ASTN2: variants seen among roughly 807,000 people sequenced by gnomAD.
The protein encoded by ASTN2 is astrotactin-2.
Under a neutral mutation model 139.8 loss-of-function variants are expected in ASTN2, and 54 were observed. The observed-to-expected ratio is 0.39, with a 90% CI of 0.31 to 0.48. The LOEUF is 0.48. Ranked by LOEUF, ASTN2 falls within the 20% of genes least tolerant of loss-of-function variation. ASTN2 has a pLI of 0.95. For missense variants in ASTN2, 1,565 were observed against 1,725.1 expected (o/e 0.91, Z 1.64); for synonymous variants, 756 against 719.5 (o/e 1.05, Z -0.81).
intron 12 of ASTN2, 131 bp from the exon 13 acceptor site, chr9:116,805,951 G>C (rs1421746208): frequency 1.5e-5 from 13 of 844,882 alleles, no homozygotes; most frequent in Non-Finnish European, 2.4e-5. Context: ...ATTCTACCTG[G>C]AATCTATCTA....
intron 16 of ASTN2, among the ~76,000 whole-genome samples, chr9:116,661,570 T>C (rs1218338878): frequency 1.3e-5 from 2 of 151,778 alleles, no homozygotes; most frequent in African/African-American, 2.4e-5. Flanking sequence ...AAAACAGAGA[T>C]GGAGAAGGAG....
chr9:116,882,443 AGAAAGAAG>A lies in ASTN2; in HGVS notation c.1890-18718_1890-18711del, dbSNP rs375446248. 3.2e-3 allele frequency among the ~76,000 whole-genome samples: 487 copies of A among 152,298 alleles called. 1 individual carries two copies. The highest frequency in any genetic ancestry group is 0.011 in the African/African-American group (463 of 41,560). On this transcript the variant is annotated intron_variant, in intron 10 of 22. Transcript: ENST00000313400. ...GTTTCAAAGATCAGTGATGACACTG[AGAAAGAAG>A]GAAAAGGTGACAACAGTGGAGGCAG...
At chr9:117,038,396 G>T (rs375994610) in intron 6 of ASTN2, among the ~76,000 whole-genome samples, 10 of 152,280 alleles carry the variant, frequency 6.6e-5, no homozygotes, top group Non-Finnish European at 1.5e-4. Flanking sequence ...TAACTGGAAG[G>T]AGGCACAAGG....
At chr9:116,993,025 G>A (rs1357691581) in intron 7 of ASTN2, among the ~76,000 whole-genome samples, 2 of 152,272 alleles carry the variant, frequency 1.3e-5, no homozygotes, top group East Asian at 3.9e-4. Flanking sequence ...TCCTACAGAT[G>A]TTTCCTCAAT....
At chr9:117,390,054 C>A (rs1021070199) in intron 1 of ASTN2, among the ~76,000 whole-genome samples, 1 of 152,150 alleles carries the variant, frequency 6.6e-6, no homozygotes, top group Non-Finnish European at 1.5e-5. Context: ...ACTTTGGAAT[C>A]ACCTAAGCCA....
intron 17 of ASTN2, among the ~76,000 whole-genome samples, chr9:116,621,440 C>CAT (rs1564160896): frequency 3.4e-5 from 4 of 118,782 alleles, no homozygotes; most frequent in African/African-American, 1.2e-4. Context: ...CACACATGCA[C>CAT]GCACACACAC....
intron 1 of ASTN2, among the ~76,000 whole-genome samples, chr9:117,324,180 T>C (rs1226173199): frequency 6.6e-6 from 1 of 152,102 alleles, no homozygotes; most frequent in Non-Finnish European, 1.5e-5. Flanking sequence ...TGCTGGGAGC[T>C]ATAGGATGAG....
chr9:116,808,048 G>T (rs1217568831), intron 12 of ASTN2, among the ~76,000 whole-genome samples: 2 of 152,082 alleles, frequency 1.3e-5, no homozygotes, highest in Non-Finnish European at 2.9e-5. Context: ...TGGGAAGTGG[G>T]GGTTGTAGTT....
At chr9:117,128,492 T>C (rs1193496006) in intron 4 of ASTN2, among the ~76,000 whole-genome samples, 1 of 151,108 alleles carries the variant, frequency 6.6e-6, no homozygotes, top group Non-Finnish European at 1.5e-5. Flanking sequence ...GTTAGGAATC[T>C]TGTGGCCTCT....
At chr9:116,503,163 GGAAGGAA>G (rs1404544230) in intron 19 of ASTN2, among the ~76,000 whole-genome samples, 7 of 150,350 alleles carry the variant, frequency 4.7e-5, no homozygotes, top group Non-Finnish European at 8.9e-5. Context: ...AAAGGAGAAA[GGAAGGAA>G]GAAGGAAGAA....
At chr9:117,060,664 T>C (rs1299907917) in intron 5 of ASTN2, among the ~76,000 whole-genome samples, 1 of 151,540 alleles carries the variant, frequency 6.6e-6, no homozygotes, top group African/African-American at 2.4e-5. Context: ...GAGGCTGAGG[T>C]GGGCGGATCA....
Position 116,879,538 on chromosome 9 carries a change from A to T in ASTN2, c.1890-15805T>A, listed in dbSNP as rs1370344133. On this transcript the variant is annotated intron_variant, in intron 10 of 22. Transcript: ENST00000313400. ...CAGTTTCCTCATACATAAATCATAG[A>T]TTATAATACCGAATTCTTAGTTTTC... Among the ~76,000 whole-genome samples the T allele has an allele frequency of 2.6e-5, 4 of 152,304 alleles. No individual in the cohort carries two copies. In the East Asian group the frequency reaches 7.7e-4, roughly 29 times the overall value.
At chr9:116,669,138 T>C (rs906825802) in intron 16 of ASTN2, among the ~76,000 whole-genome samples, 1 of 152,174 alleles carries the variant, frequency 6.6e-6, no homozygotes, top group Admixed American at 6.5e-5. Context: ...CAGTTCACCA[T>C]TGCCATGGCA....
intron 5 of ASTN2, among the ~76,000 whole-genome samples, chr9:117,073,996 A>C (rs904003844): frequency 3.9e-5 from 6 of 152,078 alleles, no homozygotes; most frequent in Non-Finnish European, 7.4e-5. Flanking sequence ...AGTTCACTTG[A>C]TTCACACAAG....
intron 11 of ASTN2, among the ~76,000 whole-genome samples, chr9:116,822,847 A>G (rs1331354627): frequency 6.6e-6 from 1 of 152,230 alleles, no homozygotes; most frequent in Non-Finnish European, 1.5e-5. Flanking sequence ...AAGGTTATGC[A>G]GATGTGATTG....
At chr9:116,532,095 T>C (rs1851378868) in intron 19 of ASTN2, among the ~76,000 whole-genome samples, 1 of 152,224 alleles carries the variant, frequency 6.6e-6, no homozygotes, top group Non-Finnish European at 1.5e-5. Flanking sequence ...GTAGTTTTGA[T>C]TTGCATTTCT....
chr9:116,713,480 A>G (rs1271593454), intron 16 of ASTN2, among the ~76,000 whole-genome samples: 1 of 152,150 alleles, frequency 6.6e-6, no homozygotes, highest in African/African-American at 2.4e-5. Context: ...TTGCTAGGAA[A>G]CAAGGGTCTA....
In ASTN2 at chr9:116,718,972, G is replaced by GTATATATATATATATATA. The variant is rs373217069; in HGVS notation, c.2806+6798_2806+6799insTATATATATATATATATA. ...TATTTACATATCTATACCTGTATCT[G>GTATATATATATATATATA]TACATATATATATATATATCTGCCT... On this transcript the variant is annotated intron_variant, in intron 16 of 22. Transcript: ENST00000313400. Among the ~76,000 whole-genome samples, 281 of 99,994 alleles carry GTATATATATATATATATA rather than the reference G, an allele frequency of 2.8e-3. 26 individuals carry two copies. The highest frequency in any genetic ancestry group is 6.9e-3 in the East Asian group (21 of 3,050). 65.6% of individuals were successfully genotyped at this position (99,994 alleles called of 152,430 possible). A position where few individuals can be genotyped will look rare whatever the true frequency, so the allele number is the denominator to read the frequency against.
intron 5 of ASTN2, among the ~76,000 whole-genome samples, chr9:117,076,659 G>T (rs998902282): frequency 6.6e-6 from 1 of 152,110 alleles, no homozygotes; most frequent in Non-Finnish European, 1.5e-5. Context: ...AGGTGAAAAT[G>T]ACACCAACTT....
Sources: allele counts gnomAD v4.1 joint callset (sites outside exome capture counted in the v4.1 genomes callset), GRCh38; gene constraint gnomAD v4.1.1; transcripts MANE v1.5; gene names NCBI Gene and HGNC (gene_info 2026-07-23, HGNC 2026-07-21).